SLC12A9: variants seen among roughly 807,000 people sequenced by gnomAD.
The protein encoded by SLC12A9 is solute carrier family 12 member 9.
Under a neutral mutation model 66.0 loss-of-function variants are expected in SLC12A9, and 55 were observed. The ratio of observed to expected loss-of-function variants is 0.83; its 90% CI spans 0.67 to 1.04. The LOEUF (loss-of-function observed/expected upper bound fraction) is 1.04. SLC12A9 is among the 50% of genes least tolerant of loss of function. SLC12A9 has a pLI of 0.00. For synonymous variants in SLC12A9, 577 were observed against 569.0 expected (o/e 1.01, Z -0.20); for missense variants, 1,061 against 1,241.9 (o/e 0.85, Z 2.19).
intron 1 of SLC12A9, among the ~76,000 whole-genome samples, chr7:100,840,565 AC>A (rs2116522805): frequency 6.6e-6 from 1 of 152,184 alleles, no homozygotes; most frequent in South Asian, 2.1e-4. Flanking sequence ...GCAAAGAAAG[AC>A]CAGCAGAAAG....
chr7:100,849,575 G>A (rs909592837), upstream of SLC12A9, among the ~76,000 whole-genome samples: 2 of 151,996 alleles, frequency 1.3e-5, no homozygotes, highest in Non-Finnish European at 2.9e-5. Context: ...AACTAGCCAG[G>A]CATGGTGGCA....
At chr7:100,848,894 GGAAAGAAAGAAAGAAAA>G (rs1276004097), upstream of SLC12A9, among the ~76,000 whole-genome samples, 8 of 136,052 alleles carry the variant, frequency 5.9e-5, no homozygotes, top group South Asian at 4.7e-4. Context: ...TCAAAAAAAA[GGAAAGAAAGAAAGAAAA>G]GAAAGAAAGA....
chr7:100,845,932 C>G (rs1584683876), intron 1 of SLC12A9, among the ~76,000 whole-genome samples: 1 of 152,222 alleles, frequency 6.6e-6, no homozygotes, highest in African/African-American at 2.4e-5. Context: ...CTTGACTATT[C>G]TAGGCCGGCA....
exon 1 of SLC12A9, chr7:100,827,038 CCTCA>C (rs1813425010): frequency 6.3e-7 from 1 of 1,579,680 alleles, no homozygotes; most frequent in Admixed American, 1.8e-5. Context: ...CATGGCGCCG[CCTCA>C]CTCGGGTAGG....
chr7:100,838,881 C>T (rs1329445326), intron 1 of SLC12A9, among the ~76,000 whole-genome samples: 1 of 152,166 alleles, frequency 6.6e-6, no homozygotes, highest in East Asian at 1.9e-4. Context: ...AAATTACAGA[C>T]ATTGTATAGA....
At chr7:100,827,086 C>CA in intron 1 of SLC12A9, 1 of 1,537,150 alleles carries the variant, frequency 6.5e-7, no homozygotes, top group Non-Finnish European at 8.8e-7. Flanking sequence ...CTCGCCCCCC[C>CA]AGGTCTGACT....
chr7:100,842,724 C>G (rs1293823864), intron 1 of SLC12A9, among the ~76,000 whole-genome samples: 4 of 152,392 alleles, frequency 2.6e-5, no homozygotes, highest in African/African-American at 9.6e-5. Context: ...AATATTCCAT[C>G]TGCACATTAA....
chr7:100,840,588 A>G (rs1260278594), intron 1 of SLC12A9, among the ~76,000 whole-genome samples: 1 of 152,124 alleles, frequency 6.6e-6, no homozygotes, highest in Non-Finnish European at 1.5e-5. Context: ...GAGAAAGGAA[A>G]GAGACAGAGA....
At chr7:100,856,055 G>C in intron 4 of SLC12A9, 1 of 551,998 alleles carries the variant, frequency 1.8e-6, no homozygotes, top group Non-Finnish European at 2.8e-6. Context: ...GAGAGACCAG[G>C]CTAAGATTCT....
intron 1 of SLC12A9, among the ~76,000 whole-genome samples, chr7:100,844,614 T>TA (rs1231864586): frequency 4.0e-5 from 6 of 150,704 alleles, no homozygotes; most frequent in African/African-American, 7.3e-5. Flanking sequence ...CCACTTAAAT[T>TA]AAAAAAAAAT....
intron 9 of SLC12A9, chr7:100,860,888 C>A: frequency 1.6e-6 from 1 of 616,446 alleles, no homozygotes; most frequent in Non-Finnish European, 2.9e-6. Flanking sequence ...GATACACTGG[C>A]ACTTTTGGGG....
At chr7:100,829,287 C>T (rs1042876374) in intron 1 of SLC12A9, among the ~76,000 whole-genome samples, 9 of 152,078 alleles carry the variant, frequency 5.9e-5, no homozygotes, top group African/African-American at 1.4e-4. Flanking sequence ...CGCGCCCAGC[C>T]GGAGGACAGA....
chr7:100,857,695 C>T (rs1463069736), intron 5 of SLC12A9: 1 of 157,750 alleles, frequency 6.3e-6, no homozygotes, highest in African/African-American at 2.4e-5. Context: ...CACCTGAGGT[C>T]AGGAGTTTGA....
At position 100,855,707 on chromosome 7, in the gene SLC12A9, C is replaced by T; in HGVS notation, c.318C>T (p.Phe106=). 6.2e-7 allele frequency: 1 copy of T among 1,614,096 alleles called. No homozygotes were observed. The highest frequency in any genetic ancestry group is 2.2e-5 in the East Asian group (1 of 44,888). The part of the protein sequence containing the change: ...NGAVQGGGAY[F]MISRTLGPEV... Reference sequence around the variant, plus strand: ...GCTCACCCCTGCTTCCACTTTCAGTCATGATCAGCCGCACACTGGGGCCCG... The same window carrying T: ...GCTCACCCCTGCTTCCACTTTCAGTTATGATCAGCCGCACACTGGGGCCCG... Residue 106 remains phenylalanine, a splice_region_variant and synonymous_variant, in exon 4 of 14, where the codon TTC becomes TTT. Coordinates refer to ENST00000354161, the MANE Select transcript of SLC12A9 (RefSeq NM_020246.4).
chr7:100,857,285 CAGG>C (rs1814457456), intron 5 of SLC12A9, 109 bp downstream of exon 5: 1 of 1,254,278 alleles, frequency 8.0e-7, no homozygotes, highest in African/African-American at 1.5e-5. Context: ...GAATGGAGGG[CAGG>C]AGGTCTGGAC....
intron 1 of SLC12A9, among the ~76,000 whole-genome samples, chr7:100,846,070 CA>C (rs1196034612): frequency 2.6e-5 from 4 of 152,092 alleles, no homozygotes; most frequent in Non-Finnish European, 4.4e-5. Context: ...TAATCAAAGG[CA>C]AGTAGTTGAA....
At chr7:100,831,653 C>T (rs985000854) in intron 1 of SLC12A9, among the ~76,000 whole-genome samples, 2 of 152,158 alleles carry the variant, frequency 1.3e-5, no homozygotes, top group South Asian at 2.1e-4. Context: ...TTTACTTTTT[C>T]TTGTACAGAT....
intron 1 of SLC12A9, among the ~76,000 whole-genome samples, chr7:100,833,439 A>C (rs1358942882): frequency 2.0e-5 from 3 of 152,140 alleles, no homozygotes; most frequent in Admixed American, 1.3e-4. Flanking sequence ...ACTGCACTCC[A>C]GGCTGGGTGA....
rs543710402 is a variant in SLC12A9 at position 100,862,281 on chromosome 7, C to G, written c.1711+370C>G. Among the ~76,000 whole-genome samples, 3 of 151,436 alleles carry G rather than the reference C, an allele frequency of 2.0e-5. No homozygotes were observed. In the East Asian group the frequency reaches 5.9e-4, roughly 30 times the overall value. ...ACCCCTCCCCCGCTTTTTTTTGAGA[C>G]AAGGTCTTGCTCTGTCACCCAGGCT... On this transcript the variant is annotated intron_variant, in intron 12 of 13. Coordinates refer to ENST00000354161, the MANE Select transcript of SLC12A9 (RefSeq NM_020246.4).
Sources: allele counts gnomAD v4.1 joint callset (sites outside exome capture counted in the v4.1 genomes callset), GRCh38; gene constraint gnomAD v4.1.1; transcripts MANE v1.5; gene names NCBI Gene and HGNC (gene_info 2026-07-23, HGNC 2026-07-21).